Variants in RBM24 observed in about 807,000 individuals in gnomAD.
The protein encoded by RBM24 is RNA-binding protein 24.
In RBM24, 5 loss-of-function variants were observed where a neutral mutation model predicts 23.6. The observed-to-expected ratio is 0.21, with a 90% CI of 0.11 to 0.45. The LOEUF (loss-of-function observed/expected upper bound fraction) is 0.45. Among genes scored for constraint, RBM24 ranks in the 20% least tolerant of loss-of-function variants. The pLI, the probability that RBM24 is intolerant of heterozygous loss-of-function variation, is 0.99. For missense variants in RBM24, 252 were observed against 314.6 expected (o/e 0.80, Z 1.51); for synonymous variants, 151 against 129.5 (o/e 1.17, Z -1.13).
chr6:17,282,135 T>C (rs1381089804), intron 1 of RBM24: 22 of 1,223,636 alleles, frequency 1.8e-5, no homozygotes, highest in Non-Finnish European at 2.2e-5. Flanking sequence ...TGTGTTCTGG[T>C]GTTTTGGCTG....
At chr6:17,288,172 A>G (rs1399068937) in intron 3 of RBM24, 2 of 864,034 alleles carry the variant, frequency 2.3e-6, no homozygotes, top group African/African-American at 3.7e-5. Context: ...ATTCAGAATC[A>G]TGGTCTGCCT....
intron 3 of RBM24, among the ~76,000 whole-genome samples, chr6:17,286,440 T>A (rs939673548): frequency 6.6e-6 from 1 of 152,180 alleles, no homozygotes; most frequent in South Asian, 2.1e-4. Flanking sequence ...ACACTAATAA[T>A]CTTGAAACAG....
chr6:17,283,957 G>C (rs751547705), intron 2 of RBM24, among the ~76,000 whole-genome samples: 2 of 152,174 alleles, frequency 1.3e-5, no homozygotes, highest in Non-Finnish European at 1.5e-5. Flanking sequence ...ATAGTTGAGA[G>C]TTGATTTTTA....
At position 17,292,723 on chromosome 6, in the gene RBM24, A is replaced by G. The variant is rs1050352091; in HGVS notation, c.*604A>G. On this transcript the variant is annotated 3_prime_UTR_variant, in exon 4 of 4. Coordinates refer to ENST00000379052, the MANE Select transcript of RBM24 (RefSeq NM_001143942.2). The stretch of plus-strand genomic sequence containing the variant: ...AAAATGGTGGACAGGCACCAAAGCT[A>G]TTTTCTCATCTGTCCTGTGGATGAG... 2.0e-5 allele frequency: 3 copies of G among 152,620 alleles called. No individual in the cohort carries two copies. Among genetic ancestry groups the G allele is most frequent in the Admixed American group, 6.5e-5 (1 of 15,270 alleles). The allele number at this position is 152,620 out of a possible 1,614,324, so 9.5% of individuals were successfully genotyped here.
At chr6:17,286,808 G>A (rs1489765345) in intron 3 of RBM24, among the ~76,000 whole-genome samples, 1 of 152,188 alleles carries the variant, frequency 6.6e-6, no homozygotes, top group Non-Finnish European at 1.5e-5. Flanking sequence ...AGAAGACTCA[G>A]TGCGTGGAGA....
In RBM24 at chr6:17,281,832, G is replaced by T; in HGVS notation, c.168+83G>T. The T allele has an allele frequency of 6.7e-7, 1 of 1,499,832 alleles. No homozygotes were observed. The highest frequency in any genetic ancestry group is 1.2e-5 in the South Asian group (1 of 82,444). The allele number at this position is 1,499,832 out of a possible 1,614,324, so 92.9% of individuals were successfully genotyped here. On this transcript the variant is annotated intron_variant, in intron 1 of 3. Coordinates refer to ENST00000379052, the MANE Select transcript of RBM24 (RefSeq NM_001143942.2). The surrounding 1 kb of genome is among the most constrained non-coding windows in gnomAD (Gnocchi z 7.1). ...ATCGGGAGCTTGGAGTGAGGGGCTC[G>T]GCGTGACCCGTGAGGAGCCCCGCGG...
chr6:17,281,517 G>T lies in RBM24; in HGVS notation c.-65G>T. On this transcript the variant is annotated 5_prime_UTR_variant, in exon 1 of 4. The change creates a new upstream start codon in the 5' untranslated region. Transcript: ENST00000379052. The surrounding 1 kb of genome is among the most constrained non-coding windows in gnomAD (Gnocchi z 7.1). ...GTGCGGGAGACGCGGAGCCGGAGGAGGAGGCGCAGCCGCTGCCCGAGCCGC... is the reference window on the plus strand; with the variant it reads ...GTGCGGGAGACGCGGAGCCGGAGGATGAGGCGCAGCCGCTGCCCGAGCCGC... 7.1e-7 allele frequency: 1 copy of T among 1,401,866 alleles called. No homozygotes were observed. The highest frequency in any genetic ancestry group is 9.3e-7 in the Non-Finnish European group (1 of 1,074,284). 86.8% of individuals were successfully genotyped at this position (1,401,866 alleles called of 1,614,324 possible). A position where few individuals can be genotyped will look rare whatever the true frequency, so the allele number is the denominator to read the frequency against.
chr6:17,281,803 G>A lies in RBM24; in HGVS notation c.168+54G>A, dbSNP rs899310127. The A allele has an allele frequency of 2.9e-5, 44 of 1,535,200 alleles. No individual in the cohort carries two copies. Among genetic ancestry groups the A allele is most frequent in the Non-Finnish European group, 3.7e-5 (42 of 1,137,460 alleles). On this transcript the variant is annotated intron_variant, in intron 1 of 3. Coordinates refer to ENST00000379052, the MANE Select transcript of RBM24 (RefSeq NM_001143942.2). The surrounding 1 kb of genome is among the most constrained non-coding windows in gnomAD (Gnocchi z 7.1). ...GAGGGACGGAGTGGCGGCTGACCCC[G>A]GGGATCGGGAGCTTGGAGTGAGGGG...
chr6:17,283,548 G>A (rs1033283342), intron 2 of RBM24, among the ~76,000 whole-genome samples: 2 of 152,108 alleles, frequency 1.3e-5, no homozygotes, highest in African/African-American at 4.8e-5. Flanking sequence ...CTCCCAAGTA[G>A]CTGGGATTAC....
intron 2 of RBM24, among the ~76,000 whole-genome samples, chr6:17,284,259 G>A (rs1303538809): frequency 6.6e-6 from 1 of 152,074 alleles, no homozygotes; most frequent in Non-Finnish European, 1.5e-5. Context: ...ATCTTCCAAA[G>A]CATTGTCTGA....
chr6:17,286,761 G>A lies in RBM24; in HGVS notation c.347+2050G>A, dbSNP rs1038674080. ...AAGGAAGACTGGATATGTCTGGAGG[G>A]TATAGGATGGAGTGAGCCGAAGCAG... On this transcript the variant is annotated intron_variant, in intron 3 of 3. Coordinates refer to ENST00000379052, the MANE Select transcript of RBM24 (RefSeq NM_001143942.2). Among the ~76,000 whole-genome samples the A allele has an allele frequency of 3.3e-5, 5 of 152,200 alleles. No individual in the cohort carries two copies. The East Asian group carries it at 9.6e-4, about 29-fold the overall frequency.
chr6:17,283,363 T>C (rs2113395702), intron 2 of RBM24, among the ~76,000 whole-genome samples: 1 of 152,332 alleles, frequency 6.6e-6, no homozygotes, highest in Non-Finnish European at 1.5e-5. Flanking sequence ...GCAGTCTGAC[T>C]TGAACACAGA....
intron 2 of RBM24, among the ~76,000 whole-genome samples, chr6:17,284,106 A>G (rs907728561): frequency 3.3e-4 from 50 of 152,210 alleles, no homozygotes; most frequent in African/African-American, 1.2e-3. Flanking sequence ...TTAAAAGGAA[A>G]CTAGGTTGTC....
chr6:17,289,870 G>A lies in RBM24; in HGVS notation c.348-1886G>A, dbSNP rs971222634. ...AGCCGTGTCTACACGTTGTAGACAC[G>A]GCAGCCTCCAGGGACAGTGTTTCAT... On this transcript the variant is annotated intron_variant, in intron 3 of 3. Coordinates refer to ENST00000379052, the MANE Select transcript of RBM24 (RefSeq NM_001143942.2). 2.4e-5 allele frequency: 29 copies of A among 1,200,866 alleles called. No homozygotes were observed. In the African/African-American group the frequency reaches 3.2e-4, roughly 13 times the overall value. The allele number at this position is 1,200,866 out of a possible 1,614,324, so 74.4% of individuals were successfully genotyped here.
In RBM24 at chr6:17,281,521, G is replaced by GCGCAGCCGCTGCCCGAGC; in HGVS notation, c.-51_-34dup. On this transcript the variant is annotated 5_prime_UTR_variant, in exon 1 of 4. Transcript: ENST00000379052. This position sits in a 1 kb window ranked among gnomAD's most constrained non-coding sequence, Gnocchi z 7.1. ...GGGAGACGCGGAGCCGGAGGAGGAG[G>GCGCAGCCGCTGCCCGAGC]CGCAGCCGCTGCCCGAGCCGCAGCC... 3 of 1,418,114 alleles carry GCGCAGCCGCTGCCCGAGC rather than the reference G, an allele frequency of 2.1e-6. No individual in the cohort carries two copies. Among genetic ancestry groups the GCGCAGCCGCTGCCCGAGC allele is most frequent in the Admixed American group, 3.1e-5 (1 of 32,196 alleles). The allele number at this position is 1,418,114 out of a possible 1,614,324, so 87.8% of individuals were successfully genotyped here. A position where few individuals can be genotyped will look rare whatever the true frequency, so the allele number is the denominator to read the frequency against.
chr6:17,281,601 A>G lies in RBM24; in HGVS notation c.20A>G (p.Asp7Gly), dbSNP rs1181815586. 2 of 1,547,542 alleles carry G rather than the reference A, an allele frequency of 1.3e-6. No individual in the cohort carries two copies. Among genetic ancestry groups the G allele is most frequent in the Non-Finnish European group, 1.7e-6 (2 of 1,145,858 alleles). Reference protein sequence around the residue: MHTTQKDTTYTKIFVGG... With the variant: MHTTQKGTTYTKIFVGG... ...GCGAAGATGCACACGACCCAGAAGG[A>G]CACGACGTACACCAAGATCTTCGTC... Residue 7 changes from aspartate (D) to glycine (G), a missense_variant, in exon 1 of 4, where the codon GAC becomes GGC. By Grantham distance (94) the Asp-to-Gly change is moderately conservative. Transcript: ENST00000379052. The surrounding 1 kb of genome is among the most constrained non-coding windows in gnomAD (Gnocchi z 7.1).
At position 17,292,099 on chromosome 6, in the gene RBM24, C is replaced by G; in HGVS notation, c.691C>G (p.Gln231Glu). The change falls in exon 4 of 4, where the codon CAG (glutamine) becomes GAG (glutamate). Residue 231 changes from glutamine (Q) to glutamate (E), a missense_variant. By Grantham distance (29) the Gln-to-Glu change is conservative. Transcript: ENST00000379052. ...AFGQYQPQQL[Q>E]TDRMQ is the part of the protein sequence containing the mutation. ...TGGCCAGTACCAGCCTCAGCAGCTG[C>G]AGACAGACCGAATGCAATAGACCAG... 1 of 1,547,280 alleles carries G rather than the reference C, an allele frequency of 6.5e-7. No homozygotes were observed. The highest frequency in any genetic ancestry group is 8.7e-7 in the Non-Finnish European group (1 of 1,150,562).
In RBM24 at chr6:17,282,267, CAG is replaced by C. The variant is rs147656189; in HGVS notation, c.168+521_168+522del. ...CCTAGGGCTCTTTGCCGAACTGAAA[CAG>C]AGCATATTAAGCTTCCTTCCTAGAG... On this transcript the variant is annotated intron_variant, in intron 1 of 3. Transcript: ENST00000379052. 920 of 1,285,502 alleles carry C rather than the reference CAG, an allele frequency of 7.2e-4. 4 individuals are homozygous for C. In the African/African-American group the frequency reaches 0.013, roughly 18 times the overall value. 79.6% of individuals were successfully genotyped at this position (1,285,502 alleles called of 1,614,324 possible).
In RBM24 at chr6:17,291,773, T is replaced by A; in HGVS notation, c.365T>A (p.Val122Asp). ...QRPFGIPAHY[V>D]YPQAFVQPGV... ...CTCAACAGGATACCTGCCCACTATG[T>A]CTATCCGCAGGCTTTTGTGCAGCCG... The change falls in exon 4 of 4, where the codon GTC (valine) becomes GAC (aspartate). Residue 122 changes from valine (V) to aspartate (D), a missense_variant. Coordinates refer to ENST00000379052, the MANE Select transcript of RBM24 (RefSeq NM_001143942.2). The A allele has an allele frequency of 1.2e-6, 2 of 1,611,632 alleles. No homozygotes were observed. Among genetic ancestry groups the A allele is most frequent in the Non-Finnish European group, 1.7e-6 (2 of 1,178,244 alleles).
Sources: allele counts gnomAD v4.1 joint callset (sites outside exome capture counted in the v4.1 genomes callset), GRCh38; gene constraint gnomAD v4.1.1; non-coding constraint Gnocchi (gnomAD v3.1); transcripts MANE v1.5; gene names NCBI Gene and HGNC (gene_info 2026-07-23, HGNC 2026-07-21).